RAB3GAP1: variants seen among roughly 807,000 people sequenced by gnomAD.
RAB3GAP1 encodes the protein rab3 GTPase-activating protein catalytic subunit.
RAB3GAP1 carries 86 observed loss-of-function variants against 130.7 expected under a neutral mutation model. That is an observed-to-expected ratio of 0.66 (90% CI 0.55 to 0.79). The LOEUF is 0.79. RAB3GAP1 is among the 30% of genes least tolerant of loss of function. RAB3GAP1 has a pLI of 0.00. For missense variants in RAB3GAP1, 1,029 were observed against 1,169.4 expected (o/e 0.88, Z 1.75); for synonymous variants, 367 against 401.7 (o/e 0.91, Z 1.03).
At chr2:135,102,790 C>T (rs573157229) in intron 5 of RAB3GAP1, among the ~76,000 whole-genome samples, 6 of 151,932 alleles carry the variant, frequency 3.9e-5, no homozygotes, top group South Asian at 2.1e-4. Context: ...CCAAGGCGGG[C>T]GGATCACGAG....
intron 3 of RAB3GAP1, among the ~76,000 whole-genome samples, chr2:135,062,910 G>A (rs1158786945): frequency 3.9e-5 from 6 of 152,244 alleles, no homozygotes; most frequent in Non-Finnish European, 4.4e-5. Context: ...CTTATTAATC[G>A]TGATCATTTA....
At chr2:135,136,724 T>A (rs1482729223) in intron 17 of RAB3GAP1, 1 of 1,274,520 alleles carries the variant, frequency 7.8e-7, no homozygotes, top group Non-Finnish European at 1.0e-6. Flanking sequence ...CATTGTTCAG[T>A]ATGAGTTTTG....
chr2:135,145,399 TACACACACAC>T lies in RAB3GAP1; in HGVS notation c.1924-4955_1924-4946del, dbSNP rs10603690. On this transcript the variant is annotated intron_variant, in intron 17 of 23. Transcript: ENST00000264158. ...CACCCCTCACCAACACACACACACA[TACACACACAC>T]ACACACACACACACTTCTTAACCTC... Among the ~76,000 whole-genome samples the T allele has an allele frequency of 2.0e-3, 301 of 147,112 alleles. 1 individual carries two copies. The highest frequency in any genetic ancestry group is 7.3e-3 in the African/African-American group (292 of 40,016).
intron 19 of RAB3GAP1, among the ~76,000 whole-genome samples, chr2:135,157,020 A>G (rs1266804819): frequency 1.3e-5 from 2 of 152,200 alleles, no homozygotes; most frequent in African/African-American, 4.8e-5. Flanking sequence ...AAAATACTTA[A>G]CAGAAAATAT....
intron 17 of RAB3GAP1, among the ~76,000 whole-genome samples, chr2:135,143,984 T>C (rs1047549896): frequency 5.3e-5 from 8 of 152,216 alleles, no homozygotes; most frequent in South Asian, 4.1e-4. Flanking sequence ...ACAGGAATTT[T>C]CTTGGCCACT....
At chr2:135,091,207 T>G (rs1690133272) in intron 4 of RAB3GAP1, 77 bp downstream of exon 4, 1 of 1,351,754 alleles carries the variant, frequency 7.4e-7, no homozygotes. Flanking sequence ...AATTTAGTGT[T>G]CTTCCATAGT....
At position 135,120,681 on chromosome 2, in the gene RAB3GAP1, G is replaced by T; in HGVS notation, c.649-138G>T. 5.3e-6 allele frequency: 4 copies of T among 747,886 alleles called. No individual in the cohort carries two copies. The South Asian group carries it at 5.7e-5, about 11-fold the overall frequency. The allele number at this position is 747,886 out of a possible 1,614,324, so 46.3% of individuals were successfully genotyped here. On this transcript the variant is annotated intron_variant, in intron 7 of 23. Transcript: ENST00000264158. The stretch of plus-strand genomic sequence containing the variant: ...TAATAACTAGAATATGCACACTATT[G>T]TTTAACACTAGAATCTGAAAATCCA...
rs200543595 is a variant in RAB3GAP1, at chr2:135,134,000, G to A, written c.1466G>A (p.Arg489His). 1.7e-5 allele frequency: 27 copies of A among 1,613,718 alleles called. No homozygotes were observed. Among genetic ancestry groups the A allele is most frequent in the Non-Finnish European group, 1.1e-5 (13 of 1,179,800 alleles). The change falls in exon 15 of 24, where the codon CGT (arginine) becomes CAT (histidine). Residue 489 changes from arginine (R) to histidine (H), a missense_variant. By Grantham distance (29) the Arg-to-His change is conservative. Coordinates refer to ENST00000264158, the MANE Select transcript of RAB3GAP1 (RefSeq NM_012233.3). ...HLWQEFVLEM[R>H]FRWENNFLIP... ...TGGCAGGAATTTGTTCTTGAAATGCGTTTCCGATGGGAAAACAACTTTCTG... is the reference window on the plus strand; with the variant it reads ...TGGCAGGAATTTGTTCTTGAAATGCATTTCCGATGGGAAAACAACTTTCTG...
chr2:135,101,125 A>G (rs1021294835), intron 5 of RAB3GAP1, among the ~76,000 whole-genome samples: 1 of 152,214 alleles, frequency 6.6e-6, no homozygotes, highest in African/African-American at 2.4e-5. Context: ...GGACTTTGGT[A>G]TGTGGGTATT....
Position 135,164,624 on chromosome 2 carries a change from A to C in RAB3GAP1, c.2637A>C (p.Glu879Asp), listed in dbSNP as rs1692577182. ...TGAGTTGCCTGCTGGAGCAGCCTGA[A>C]GTGTTAGTCACCGGTGCAGGAAGAG... ...RFVSCLLEQP[E>D]VLVTGAGRGH... The change falls in exon 23 of 24, where the codon GAA becomes GAC. Residue 879 changes from glutamate (E) to aspartate (D), a missense_variant. Transcript: ENST00000264158. 1 of 1,613,300 alleles carries C rather than the reference A, an allele frequency of 6.2e-7. No homozygotes were observed. Among genetic ancestry groups the C allele is most frequent in the African/African-American group, 1.3e-5 (1 of 74,902 alleles).
In RAB3GAP1 at chr2:135,121,647, A is replaced by G. The variant is rs75921370; in HGVS notation, c.748+729A>G. Among the ~76,000 whole-genome samples, 231 of 152,340 alleles carry G rather than the reference A, an allele frequency of 1.5e-3. 9 individuals are homozygous for G. In the East Asian group the frequency reaches 0.042, roughly 28 times the overall value. ...GGAATATAATACAAACTTTTAAAAT[A>G]TAAGAATTTTACTAGCCTGAAAACG... On this transcript the variant is annotated intron_variant, in intron 8 of 23. Coordinates refer to ENST00000264158, the MANE Select transcript of RAB3GAP1 (RefSeq NM_012233.3).
downstream of RAB3GAP1, among the ~76,000 whole-genome samples, chr2:135,174,579 C>CCAGCCA (rs1692953358): frequency 6.6e-6 from 1 of 152,210 alleles, no homozygotes; most frequent in African/African-American, 2.4e-5. Flanking sequence ...CAAAGCCCCC[C>CCAGCCA]CAGCCACAGG....
intron 3 of RAB3GAP1, among the ~76,000 whole-genome samples, chr2:135,060,711 A>T (rs72976389): frequency 0.044 from 6,582 of 148,044 alleles, 487 homozygotes; most frequent in African/African-American, 0.16. Context: ...TATTGTTATT[A>T]TTATTATTAT....
At chr2:135,117,052 A>G (rs6741481) in intron 7 of RAB3GAP1, among the ~76,000 whole-genome samples, 47,084 of 151,904 alleles carry the variant, frequency 0.31, 11,021 homozygotes, top group African/African-American at 0.64. Flanking sequence ...TAAAAAAAAA[A>G]TAATGCATTT....
chr2:135,062,861 T>C (rs1241662230), intron 3 of RAB3GAP1, among the ~76,000 whole-genome samples: 1 of 152,252 alleles, frequency 6.6e-6, no homozygotes, highest in Admixed American at 6.5e-5. Context: ...GGTAAAATTT[T>C]GTATGTTAAC....
intron 17 of RAB3GAP1, among the ~76,000 whole-genome samples, chr2:135,145,401 C>CAT (rs754223019): frequency 3.7e-4 from 34 of 92,542 alleles, no homozygotes; most frequent in Non-Finnish European, 5.9e-4. Flanking sequence ...CACACACATA[C>CAT]ACACACACAC....
Position 135,058,103 on chromosome 2 carries a change from G to T in RAB3GAP1, c.150+17G>T, listed in dbSNP as rs1325759236. The T allele has an allele frequency of 2.5e-6, 4 of 1,587,600 alleles. No homozygotes were observed. The South Asian group carries it at 3.3e-5, about 13-fold the overall frequency. On this transcript the variant is annotated intron_variant, in intron 3 of 23. Transcript: ENST00000264158. ...CTCGAAAAGGTCAGATCTATTTGCT[G>T]GTGTCTCTAAATGACTATTTACTTT... is the stretch of plus-strand genomic sequence containing the variant.
intron 14 of RAB3GAP1, among the ~76,000 whole-genome samples, chr2:135,133,441 A>C (rs543185623): frequency 1.1e-4 from 17 of 152,214 alleles, no homozygotes; most frequent in African/African-American, 3.1e-4. Flanking sequence ...CCTTTACAGT[A>C]GTTATTGTTG....
intron 5 of RAB3GAP1, among the ~76,000 whole-genome samples, chr2:135,109,714 TGGG>T (rs1362882824): frequency 6.6e-6 from 1 of 152,090 alleles, no homozygotes; most frequent in Non-Finnish European, 1.5e-5. Flanking sequence ...CCTGAGTAGC[TGGG>T]ACTACAGGCG....
Sources: allele counts gnomAD v4.1 joint callset (sites outside exome capture counted in the v4.1 genomes callset), GRCh38; gene constraint gnomAD v4.1.1; transcripts MANE v1.5; gene names NCBI Gene and HGNC (gene_info 2026-07-23, HGNC 2026-07-21).